Variants in ATP8B4 observed in about 807,000 individuals in gnomAD.
ATP8B4 encodes the protein probable phospholipid-transporting ATPase IM.
In ATP8B4, 133 loss-of-function variants were observed where a neutral mutation model predicts 145.6. That is an observed-to-expected ratio of 0.91 (90% CI 0.79 to 1.05). The LOEUF is 1.05. Among genes scored for constraint, ATP8B4 ranks in the 50% least tolerant of loss-of-function variants. The probability of loss-of-function intolerance (pLI) is 0.00; values close to 1 mark genes in which losing one functional copy is unlikely to be tolerated. For missense variants in ATP8B4, 1,458 were observed against 1,425.2 expected, an observed-to-expected ratio of 1.02 and a Z score of -0.37; for synonymous variants, 507 against 492.9, an observed-to-expected ratio of 1.03 and a Z score of -0.38.
intron 14 of ATP8B4, among the ~76,000 whole-genome samples, chr15:49,935,931 C>G (rs2041698738): frequency 6.6e-6 from 1 of 152,244 alleles, no homozygotes; most frequent in East Asian, 1.9e-4. Flanking sequence ...CACTCCCTAA[C>G]TGGTAAGATG....
chr15:49,889,465 A>G (rs907256756), intron 23 of ATP8B4, among the ~76,000 whole-genome samples: 2 of 152,234 alleles, frequency 1.3e-5, no homozygotes, highest in African/African-American at 4.8e-5. Context: ...TCTCAAGCCA[A>G]TCACAACATA....
chr15:49,917,947 G>A (rs1165578321), intron 19 of ATP8B4, among the ~76,000 whole-genome samples: 1 of 152,162 alleles, frequency 6.6e-6, no homozygotes, highest in Non-Finnish European at 1.5e-5. Context: ...ACACACCGGA[G>A]TGCTCAACTT....
intron 2 of ATP8B4, among the ~76,000 whole-genome samples, chr15:50,078,165 T>A (rs1212785977): frequency 6.6e-6 from 1 of 151,934 alleles, no homozygotes; most frequent in Non-Finnish European, 1.5e-5. Flanking sequence ...ATATATAGGT[T>A]TTTTAGAGAT....
intron 1 of ATP8B4, among the ~76,000 whole-genome samples, chr15:50,155,539 C>T (rs1400229548): frequency 6.6e-6 from 1 of 152,038 alleles, no homozygotes; most frequent in African/African-American, 2.4e-5. Context: ...TAAAGATTTA[C>T]TTAAGTCACA....
intron 1 of ATP8B4, among the ~76,000 whole-genome samples, chr15:50,112,078 A>C (rs1360038395): frequency 6.6e-6 from 1 of 152,156 alleles, no homozygotes; most frequent in Non-Finnish European, 1.5e-5. Context: ...TGCAGTGAGG[A>C]GCTAGAGGGC....
Position 50,052,096 on chromosome 15 carries a change from C to T in ATP8B4, c.88-4632G>A, listed in dbSNP as rs187463178. On this transcript the variant is annotated intron_variant, in intron 3 of 27. Coordinates refer to ENST00000284509, the MANE Select transcript of ATP8B4 (RefSeq NM_024837.4). ...CAAAAGCAAAACACATTTCCATTTC[C>T]ACTGCCCTGTCCAAGCATATGAGTA... 3.3e-5 allele frequency among the ~76,000 whole-genome samples: 5 copies of T among 152,306 alleles called. No homozygotes were observed. In the East Asian group the frequency reaches 9.6e-4, roughly 29 times the overall value.
At chr15:50,002,319 A>C in intron 7 of ATP8B4, 96 bp from the exon 8 acceptor site, 1 of 957,940 alleles carries the variant, frequency 1.0e-6, no homozygotes, top group South Asian at 1.5e-5. Flanking sequence ...AAGAGGCAAC[A>C]GAGCCTCAGA....
rs1421519942 is a variant in ATP8B4 at position 49,908,328 on chromosome 15, A to G, written c.2142-7089T>C. On this transcript the variant is annotated intron_variant, in intron 20 of 27. Transcript: ENST00000284509. ...ACAAAGAAGCACCAAGATAGAGAGT[A>G]GATAATCATACTTCAAATATGTCAT... Among the ~76,000 whole-genome samples, 5 of 152,246 alleles carry G rather than the reference A, an allele frequency of 3.3e-5. No individual in the cohort carries two copies. The East Asian group carries it at 9.6e-4, about 29-fold the overall frequency.
upstream of ATP8B4, chr15:50,119,329 T>TA (rs1325025825): frequency 3.3e-5 from 5 of 152,196 alleles, no homozygotes; most frequent in African/African-American, 9.7e-5. Context: ...CTTGACCACT[T>TA]ACCACCACCG....
intron 14 of ATP8B4, among the ~76,000 whole-genome samples, chr15:49,960,360 T>C (rs1224443099): frequency 6.6e-6 from 1 of 152,148 alleles, no homozygotes; most frequent in Non-Finnish European, 1.5e-5. Flanking sequence ...GATGCTAACA[T>C]ATGCCAGAAA....
intron 1 of ATP8B4, among the ~76,000 whole-genome samples, chr15:50,133,180 C>A (rs769780648): frequency 9.2e-5 from 14 of 152,128 alleles, no homozygotes; most frequent in Non-Finnish European, 1.6e-4. Context: ...AAAATCCTTC[C>A]ATTTGTGACA....
At chr15:50,002,273 G>A (rs770300744) in intron 7 of ATP8B4, 50 bp from the exon 8 acceptor site, 2 of 1,466,974 alleles carry the variant, frequency 1.4e-6, no homozygotes, top group South Asian at 2.4e-5. Context: ...TAGATTGGTT[G>A]AAAGTCTTCT....
rs2053846259 is a variant in ATP8B4 at position 50,072,923 on chromosome 15, T to TGC, written c.87+1203_87+1204insGC. 5.4e-4 allele frequency among the ~76,000 whole-genome samples: 7 copies of TGC among 13,046 alleles called. 1 individual carries two copies. In the Admixed American group the frequency reaches 7.7e-3, roughly 14 times the overall value. The allele number at this position is 13,046 out of a possible 152,430, so 8.6% of individuals were successfully genotyped here. ...CAGGCATGAGTCACTGTGCCCGGCC[T>TGC]CTCTCTCTCTCTCTCTCTCTCTCTC... On this transcript the variant is annotated intron_variant, in intron 3 of 27. Coordinates refer to ENST00000284509, the MANE Select transcript of ATP8B4 (RefSeq NM_024837.4).
At chr15:49,930,008 T>C (rs983803556) in intron 16 of ATP8B4, among the ~76,000 whole-genome samples, 4 of 151,890 alleles carry the variant, frequency 2.6e-5, no homozygotes, top group African/African-American at 7.3e-5. Flanking sequence ...CAGAAAAATA[T>C]AGTGGCAAAG....
At chr15:50,017,230 C>T (rs929974705) in intron 6 of ATP8B4, among the ~76,000 whole-genome samples, 4 of 152,188 alleles carry the variant, frequency 2.6e-5, no homozygotes, top group African/African-American at 9.6e-5. Context: ...TTGGGAGATA[C>T]ATTTCTAGTA....
chr15:49,983,443 C>T (rs552642231), intron 10 of ATP8B4, among the ~76,000 whole-genome samples: 1 of 152,126 alleles, frequency 6.6e-6, no homozygotes, highest in Non-Finnish European at 1.5e-5. Context: ...GTCAATTCAA[C>T]TTTCTAAACT....
rs188366604 is a variant in ATP8B4 at position 49,973,882 on chromosome 15, T to C, written c.1035-1092A>G. On this transcript the variant is annotated intron_variant, in intron 12 of 27. Transcript: ENST00000284509. ...TCACCACTGTTCACTGCATTTCTTA[T>C]CAATGAGTTTAACACTTTTTTCAAA... 1.6e-3 allele frequency among the ~76,000 whole-genome samples: 248 copies of C among 152,328 alleles called. 1 individual carries two copies. The Middle Eastern group carries it at 0.041, about 25-fold the overall frequency.
intron 2 of ATP8B4, among the ~76,000 whole-genome samples, chr15:50,086,579 A>C (rs1407180586): frequency 9.0e-6 from 1 of 111,300 alleles, no homozygotes; most frequent in African/African-American, 4.0e-5. Flanking sequence ...TATTATATAT[A>C]ATAAAATAAT....
At chr15:50,107,224 C>G (rs2056728849) in intron 1 of ATP8B4, among the ~76,000 whole-genome samples, 1 of 152,190 alleles carries the variant, frequency 6.6e-6, no homozygotes. Context: ...TATGAGACAA[C>G]TCAAGGTAAG....
Sources: allele counts gnomAD v4.1 joint callset (sites outside exome capture counted in the v4.1 genomes callset), GRCh38; gene constraint gnomAD v4.1.1; transcripts MANE v1.5; gene names NCBI Gene and HGNC (gene_info 2026-07-23, HGNC 2026-07-21).